Variants in PAM observed in about 807,000 individuals in gnomAD.
PAM encodes the protein peptidylglycine alpha-amidating monooxygenase.
A neutral mutation model predicts 122.1 loss-of-function variants in PAM; 72 were observed. The observed-to-expected ratio is 0.59, with a 90% CI of 0.49 to 0.72. The LOEUF is 0.72. Among genes scored for constraint, PAM ranks in the 30% least tolerant of loss-of-function variants. The pLI is 0.00. For synonymous variants in PAM, 389 were observed against 404.4 expected, an observed-to-expected ratio of 0.96 and a Z score of 0.46; for missense variants, 1,106 against 1,183.7, an observed-to-expected ratio of 0.93 and a Z score of 0.96.
intron 21 of PAM, among the ~76,000 whole-genome samples, chr5:103,016,906 A>T (rs546024428): frequency 3.4e-4 from 52 of 152,326 alleles, no homozygotes; most frequent in Non-Finnish European, 6.9e-4. Flanking sequence ...AATAATAAAA[A>T]TTAATACCTA....
chr5:103,025,249 C>T lies in PAM; in HGVS notation c.2604C>T (p.Leu868=), dbSNP rs967105433. Residue 868 remains leucine, a synonymous_variant, in exon 24 of 26, where the codon CTC becomes CTT. Transcript: ENST00000438793. ...CAGGCTCGGGAGTGCCTGTTGTTCT[C>T]ATTACAACCCTTCTGGTTATTCCGG... ...KEPGSGVPVV[L]ITTLLVIPVV... The T allele has an allele frequency of 3.1e-6, 5 of 1,613,642 alleles. No homozygotes were observed. The highest frequency in any genetic ancestry group is 3.4e-6 in the Non-Finnish European group (4 of 1,179,720).
At chr5:102,920,952 A>G (rs1255495000) in intron 5 of PAM, among the ~76,000 whole-genome samples, 4 of 152,034 alleles carry the variant, frequency 2.6e-5, no homozygotes, top group South Asian at 4.1e-4. Context: ...ACAAGCTACC[A>G]TTTTCAGTGC....
chr5:102,977,268 C>T (rs1767983959), intron 15 of PAM, among the ~76,000 whole-genome samples: 1 of 152,130 alleles, frequency 6.6e-6, no homozygotes, highest in African/African-American at 2.4e-5. Flanking sequence ...ACCCTGGCAT[C>T]TGCCTTTAAA....
intron 1 of PAM, among the ~76,000 whole-genome samples, chr5:102,769,366 A>G (rs1755085830): frequency 6.6e-6 from 1 of 151,960 alleles, no homozygotes; most frequent in South Asian, 2.1e-4. Context: ...ATGTGGTCCT[A>G]TTTGTCCATT....
intron 3 of PAM, among the ~76,000 whole-genome samples, chr5:102,890,714 G>A (rs1055160127): frequency 2.0e-5 from 3 of 151,940 alleles, no homozygotes; most frequent in South Asian, 4.1e-4. Flanking sequence ...AAATAAAGCC[G>A]ATTTTAAAGC....
chr5:102,939,990 C>T (rs1754567764), intron 7 of PAM, among the ~76,000 whole-genome samples: 1 of 151,846 alleles, frequency 6.6e-6, no homozygotes, highest in South Asian at 2.1e-4. Flanking sequence ...TGCCAGGTTA[C>T]CCTCCCTTTG....
At chr5:102,849,730 C>T (rs540571877) in intron 1 of PAM, among the ~76,000 whole-genome samples, 2 of 152,156 alleles carry the variant, frequency 1.3e-5, no homozygotes, top group Admixed American at 1.3e-4. Flanking sequence ...TGATAGGAGA[C>T]TTAAATCCTC....
intron 16 of PAM, among the ~76,000 whole-genome samples, chr5:103,001,913 C>CT (rs1200988540): frequency 6.6e-6 from 1 of 151,958 alleles, no homozygotes; most frequent in Non-Finnish European, 1.5e-5. Flanking sequence ...AATATTAATA[C>CT]TTTTTTCACA....
In PAM at chr5:102,967,880, C is replaced by T. The variant is rs370357902; in HGVS notation, c.1163-6236C>T. Reference sequence around the variant, plus strand: ...TGGGATTACAGGTGCCCGCCACCACCCCCAGCTAATTTTTGTATTTTTGGT... The same window carrying T: ...TGGGATTACAGGTGCCCGCCACCACTCCCAGCTAATTTTTGTATTTTTGGT... On this transcript the variant is annotated intron_variant, in intron 14 of 25. Transcript: ENST00000438793. Among the ~76,000 whole-genome samples, 9 of 151,934 alleles carry T rather than the reference C, an allele frequency of 5.9e-5. No homozygotes were observed. The East Asian group carries it at 1.2e-3, about 20-fold the overall frequency.
At chr5:103,019,141 G>A (rs1056874128) in intron 22 of PAM, among the ~76,000 whole-genome samples, 4 of 76,288 alleles carry the variant, frequency 5.2e-5, no homozygotes, top group Non-Finnish European at 1.2e-4. Context: ...ATTTACCTAC[G>A]GGGGGGGACT....
intron 1 of PAM, among the ~76,000 whole-genome samples, chr5:102,824,088 G>GT (rs1474129181): frequency 6.6e-6 from 1 of 152,146 alleles, no homozygotes; most frequent in African/African-American, 2.4e-5. Flanking sequence ...CTAGCGGATG[G>GT]TTTAGGGAAG....
At chr5:103,003,300 G>C in intron 17 of PAM, 151 bp downstream of exon 17, 4 of 524,916 alleles carry the variant, frequency 7.6e-6, no homozygotes. Flanking sequence ...TTTCTACATA[G>C]GTGTTTCTAA....
chr5:102,881,081 C>T (rs1423475193), intron 3 of PAM, among the ~76,000 whole-genome samples: 1 of 149,654 alleles, frequency 6.7e-6, no homozygotes, highest in Non-Finnish European at 1.5e-5. Flanking sequence ...ACTTAACAGA[C>T]CACTAACTGT....
intron 7 of PAM, among the ~76,000 whole-genome samples, chr5:102,939,197 C>T (rs1754257555): frequency 6.6e-6 from 1 of 152,098 alleles, no homozygotes; most frequent in Non-Finnish European, 1.5e-5. Context: ...ACATTCTAGC[C>T]TTCCTATTTC....
intron 7 of PAM, among the ~76,000 whole-genome samples, chr5:102,933,976 T>C (rs1167434265): frequency 6.6e-6 from 1 of 152,180 alleles, no homozygotes; most frequent in African/African-American, 2.4e-5. Flanking sequence ...TTGTCTTCTC[T>C]CAATCTGCAC....
intron 3 of PAM, among the ~76,000 whole-genome samples, chr5:102,886,608 C>A (rs1793187295): frequency 6.6e-6 from 1 of 152,012 alleles, no homozygotes; most frequent in Non-Finnish European, 1.5e-5. Context: ...GTGATCTGAT[C>A]TGAGCACCCT....
At chr5:102,782,743 G>C (rs1341958496) in intron 1 of PAM, among the ~76,000 whole-genome samples, 3 of 151,340 alleles carry the variant, frequency 2.0e-5, no homozygotes, top group East Asian at 1.9e-4. Context: ...GTGTGTGTGT[G>C]TGTGTGTGTG....
chr5:102,914,038 T>A lies in PAM; in HGVS notation c.356+17T>A. ...AAGTTACTGGTAAGGATAATGGGTT[T>A]ACAGTATAGAAGGGTGTAGAAAATG... is the stretch of plus-strand genomic sequence containing the variant. On this transcript the variant is annotated intron_variant, in intron 5 of 25. Coordinates refer to ENST00000438793, the MANE Select transcript of PAM (RefSeq NM_001177306.2). The A allele has an allele frequency of 7.4e-7, 1 of 1,349,570 alleles. No homozygotes were observed. 83.6% of individuals were successfully genotyped at this position (1,349,570 alleles called of 1,614,324 possible). A position where few individuals can be genotyped will look rare whatever the true frequency, so the allele number is the denominator to read the frequency against.
At chr5:102,777,588 T>G (rs1310804469) in intron 1 of PAM, among the ~76,000 whole-genome samples, 1 of 152,126 alleles carries the variant, frequency 6.6e-6, no homozygotes, top group Admixed American at 6.5e-5. Context: ...AATTTAAAAA[T>G]TAGCCCAAAC....
Sources: gnomAD v4.1 joint callset for allele counts (sites outside exome capture counted in the v4.1 genomes callset) on GRCh38, gnomAD v4.1.1 for gene constraint, MANE v1.5 for transcripts, NCBI Gene and HGNC (gene_info 2026-07-23, HGNC 2026-07-21) for gene names.